Variants in SNTB1 observed in about 807,000 individuals in gnomAD.
SNTB1 encodes syntrophin beta 1, also known as beta-1-syntrophin.
In SNTB1, 36 loss-of-function variants were observed where a neutral mutation model predicts 48.9. That is an observed-to-expected ratio of 0.74 (90% confidence interval 0.56 to 0.97). SNTB1 has a LOEUF of 0.97. SNTB1 is among the 50% of genes least tolerant of loss of function. The pLI, the probability that SNTB1 is intolerant of heterozygous loss-of-function variation, is 0.00. For synonymous variants in SNTB1, 299 were observed against 294.6 expected, an observed-to-expected ratio of 1.01 and a Z score of -0.15; for missense variants, 786 against 703.4, an observed-to-expected ratio of 1.12 and a Z score of -1.33.
At chr8:120,557,523 G>A (rs1345292451) in intron 4 of SNTB1, among the ~76,000 whole-genome samples, 3 of 152,120 alleles carry the variant, frequency 2.0e-5, no homozygotes, top group East Asian at 3.9e-4. Context: ...TAGATGTTGG[G>A]GAAAACAAAC....
chr8:120,805,568 A>T (rs1820321965), intron 1 of SNTB1, among the ~76,000 whole-genome samples: 1 of 151,934 alleles, frequency 6.6e-6, no homozygotes, highest in Non-Finnish European at 1.5e-5. Context: ...TAAAAAAAAA[A>T]GGTTCTCCCC....
intron 1 of SNTB1, among the ~76,000 whole-genome samples, chr8:120,734,665 C>G (rs1467847542): frequency 1.3e-5 from 2 of 152,150 alleles, no homozygotes; most frequent in Admixed American, 1.3e-4. Context: ...AGGGTTCAAT[C>G]TAGGGTTTAC....
chr8:120,576,385 T>C lies in SNTB1; in HGVS notation c.997-1160A>G, dbSNP rs374200149. Among the ~76,000 whole-genome samples, 13 of 152,346 alleles carry C rather than the reference T, an allele frequency of 8.5e-5. No homozygotes were observed. In the East Asian group the frequency reaches 2.5e-3, roughly 29 times the overall value. On this transcript the variant is annotated intron_variant, in intron 3 of 6. Coordinates refer to ENST00000517992, the MANE Select transcript of SNTB1 (RefSeq NM_021021.4). ...CCTTTCTAGTCTTATTATTACTTTATCTTAAGTGACACAGTGGAATCCGTA... is the reference window on the plus strand; with the variant it reads ...CCTTTCTAGTCTTATTATTACTTTACCTTAAGTGACACAGTGGAATCCGTA...
chr8:120,575,643 T>C (rs1815938890), intron 3 of SNTB1, among the ~76,000 whole-genome samples: 1 of 152,120 alleles, frequency 6.6e-6, no homozygotes, highest in Non-Finnish European at 1.5e-5. Context: ...CTCTGAAAAA[T>C]GTACTATGGT....
chr8:120,692,404 T>A (rs1818143631), intron 2 of SNTB1, among the ~76,000 whole-genome samples: 1 of 152,124 alleles, frequency 6.6e-6, no homozygotes, highest in African/African-American at 2.4e-5. Flanking sequence ...CGGTTCCTAT[T>A]TTTAGCACTT....
intron 3 of SNTB1, among the ~76,000 whole-genome samples, chr8:120,600,267 C>A (rs956966904): frequency 1.3e-5 from 2 of 152,206 alleles, no homozygotes; most frequent in Non-Finnish European, 2.9e-5. Flanking sequence ...GAACACTGCG[C>A]CCCTGGGATC....
intron 3 of SNTB1, among the ~76,000 whole-genome samples, chr8:120,611,543 G>T (rs1327875449): frequency 6.6e-6 from 1 of 151,524 alleles, no homozygotes; most frequent in Admixed American, 6.6e-5. Flanking sequence ...GCAGTGCCAG[G>T]CCAGGTGCGG....
At chr8:120,624,043 T>C (rs1224938098) in intron 3 of SNTB1, among the ~76,000 whole-genome samples, 1 of 152,220 alleles carries the variant, frequency 6.6e-6, no homozygotes, top group Non-Finnish European at 1.5e-5. Context: ...GTTGAAGTGA[T>C]GCTCCTGCCT....
intron 1 of SNTB1, among the ~76,000 whole-genome samples, chr8:120,719,529 T>C (rs539710233): frequency 1.3e-5 from 2 of 152,324 alleles, no homozygotes; most frequent in South Asian, 4.1e-4. Context: ...TGAGTCTGTC[T>C]AGCTTGCCCA....
chr8:120,780,696 C>T (rs1168607330), intron 1 of SNTB1, among the ~76,000 whole-genome samples: 1 of 152,136 alleles, frequency 6.6e-6, no homozygotes, highest in East Asian at 1.9e-4. Context: ...AGCTGCAAAA[C>T]CAAATCAAAC....
chr8:120,600,583 C>T (rs562330626), intron 3 of SNTB1, among the ~76,000 whole-genome samples: 19 of 152,294 alleles, frequency 1.2e-4, no homozygotes, highest in African/African-American at 4.3e-4. Context: ...ATTGAAGTAG[C>T]TATTACTCAG....
Position 120,761,087 on chromosome 8 carries a change from A to T in SNTB1, c.571+50186T>A, listed in dbSNP as rs936872548. 9.9e-5 allele frequency among the ~76,000 whole-genome samples: 15 copies of T among 152,210 alleles called. No homozygotes were observed. The East Asian group carries it at 2.7e-3, about 27-fold the overall frequency. On this transcript the variant is annotated intron_variant, in intron 1 of 6. Transcript: ENST00000517992. The stretch of plus-strand genomic sequence containing the variant: ...AAGGTTCTTAAATCTATAATGATGG[A>T]GTCATTAAAGACTGAGAGCAAATCA...
intron 1 of SNTB1, among the ~76,000 whole-genome samples, chr8:120,796,403 A>C (rs1313245638): frequency 1.3e-5 from 2 of 152,072 alleles, no homozygotes; most frequent in African/African-American, 4.8e-5. Context: ...AGGTACTGGC[A>C]GTTAGGACTT....
intron 2 of SNTB1, among the ~76,000 whole-genome samples, chr8:120,690,519 A>G (rs1214447389): frequency 6.6e-6 from 1 of 152,258 alleles, no homozygotes; most frequent in Non-Finnish European, 1.5e-5. Context: ...TGCCTTCAAC[A>G]TAAATCAGTC....
At chr8:120,563,084 T>C (rs1815689449) in intron 4 of SNTB1, among the ~76,000 whole-genome samples, 1 of 152,036 alleles carries the variant, frequency 6.6e-6, no homozygotes, top group South Asian at 2.1e-4. Context: ...CTCAGAGCAG[T>C]GTCGCCCTTT....
intron 1 of SNTB1, among the ~76,000 whole-genome samples, chr8:120,776,997 T>C (rs1267987767): frequency 6.6e-6 from 1 of 152,152 alleles, no homozygotes; most frequent in Non-Finnish European, 1.5e-5. Flanking sequence ...AAGTAAGAAT[T>C]AACATTCCAG....
intron 1 of SNTB1, among the ~76,000 whole-genome samples, chr8:120,767,825 A>G (rs1018299052): frequency 6.6e-6 from 1 of 152,148 alleles, no homozygotes; most frequent in South Asian, 2.1e-4. Flanking sequence ...ATTTTTATTA[A>G]TATACTGGTA....
At chr8:120,709,526 T>C (rs959211461) in intron 1 of SNTB1, among the ~76,000 whole-genome samples, 3 of 152,214 alleles carry the variant, frequency 2.0e-5, no homozygotes, top group East Asian at 1.9e-4. Context: ...TTAGCACTTA[T>C]TGAGCACTAA....
chr8:120,730,320 C>G (rs199591971), intron 1 of SNTB1, among the ~76,000 whole-genome samples: 2 of 151,904 alleles, frequency 1.3e-5, no homozygotes, highest in Non-Finnish European at 2.9e-5. Flanking sequence ...CCACCATGCC[C>G]GGCTAATTTT....
Sources: gnomAD v4.1 joint callset for allele counts (sites outside exome capture counted in the v4.1 genomes callset) on GRCh38, gnomAD v4.1.1 for gene constraint, MANE v1.5 for transcripts, NCBI Gene and HGNC (gene_info 2026-07-23, HGNC 2026-07-21) for gene names.